ZNF277: variants seen among roughly 807,000 people sequenced by gnomAD.
The protein encoded by ZNF277 is nuclear receptor-interacting factor 4.
A neutral mutation model predicts 60.7 loss-of-function variants in ZNF277; 55 were observed. The observed-to-expected ratio is 0.91, with a 90% CI of 0.73 to 1.13. ZNF277 has a LOEUF of 1.13. Among genes scored for constraint, ZNF277 ranks in the 50% most tolerant of loss-of-function variants. ZNF277 has a pLI of 0.00. For synonymous variants in ZNF277, 178 were observed against 179.3 expected (o/e 0.99, Z 0.06); for missense variants, 510 against 523.0 (o/e 0.98, Z 0.24).
At chr7:112,261,144 A>G (rs1042738836) in intron 1 of ZNF277, among the ~76,000 whole-genome samples, 1 of 152,314 alleles carries the variant, frequency 6.6e-6, no homozygotes, top group African/African-American at 2.4e-5. Context: ...CATAAACTCT[A>G]TAGATCTCTA....
chr7:112,214,470 A>G (rs1335731991), intron 1 of ZNF277, among the ~76,000 whole-genome samples: 1 of 152,212 alleles, frequency 6.6e-6, no homozygotes, highest in Non-Finnish European at 1.5e-5. Context: ...AGTATGTTCT[A>G]CTGACCTACT....
At chr7:112,303,843 C>T (rs926796822) in intron 4 of ZNF277, among the ~76,000 whole-genome samples, 1 of 152,028 alleles carries the variant, frequency 6.6e-6, no homozygotes, top group African/African-American at 2.4e-5. Context: ...TCTTAAAAAG[C>T]TATCTCAGTG....
intron 1 of ZNF277, among the ~76,000 whole-genome samples, chr7:112,217,306 G>T (rs920388496): frequency 1.3e-5 from 2 of 152,144 alleles, no homozygotes; most frequent in African/African-American, 2.4e-5. Flanking sequence ...CCTACACAAA[G>T]GGAGGGAGCA....
chr7:112,248,461 A>C (rs1439961512), intron 1 of ZNF277, among the ~76,000 whole-genome samples: 1 of 152,170 alleles, frequency 6.6e-6, no homozygotes, highest in East Asian at 1.9e-4. Context: ...AAAACAACTA[A>C]AATAGAGATT....
chr7:112,277,411 T>G (rs992858682), intron 1 of ZNF277, among the ~76,000 whole-genome samples: 4 of 152,154 alleles, frequency 2.6e-5, no homozygotes, highest in African/African-American at 9.7e-5. Context: ...ATCAAGAGAC[T>G]TTCTTCCCAG....
chr7:112,269,969 T>C (rs1294292000), intron 1 of ZNF277, among the ~76,000 whole-genome samples: 1 of 152,014 alleles, frequency 6.6e-6, no homozygotes, highest in African/African-American at 2.4e-5. Flanking sequence ...ATAAGAATAA[T>C]AGAGATCATA....
intron 4 of ZNF277, among the ~76,000 whole-genome samples, chr7:112,317,234 G>A: frequency 6.6e-6 from 1 of 152,052 alleles, no homozygotes; most frequent in East Asian, 1.9e-4. Context: ...AACCACCATG[G>A]CACATGTGGC....
chr7:112,239,800 A>G (rs989599235), intron 1 of ZNF277, among the ~76,000 whole-genome samples: 6 of 152,218 alleles, frequency 3.9e-5, no homozygotes, highest in Non-Finnish European at 8.8e-5. Flanking sequence ...TAATCATGGT[A>G]TGTAAACTAC....
chr7:112,264,509 TTA>T (rs1406384825), intron 1 of ZNF277, among the ~76,000 whole-genome samples: 2 of 152,166 alleles, frequency 1.3e-5, no homozygotes, highest in African/African-American at 4.8e-5. Flanking sequence ...ACAAATTGTG[TTA>T]TGTTTCAATG....
rs577331913 is a variant in ZNF277 at position 112,268,763 on chromosome 7, T to G, written c.92-18110T>G. On this transcript the variant is annotated intron_variant, in intron 1 of 11. Coordinates refer to ENST00000361822, the MANE Select transcript of ZNF277 (RefSeq NM_021994.3). ...TATAATTGTTCCTTGGCTTGCTTATTTTGATTTACTCTCAATTTTTTTAAG... is the reference window on the plus strand; with the variant it reads ...TATAATTGTTCCTTGGCTTGCTTATGTTGATTTACTCTCAATTTTTTTAAG... Among the ~76,000 whole-genome samples the G allele has an allele frequency of 6.6e-5, 10 of 152,338 alleles. No individual in the cohort carries two copies. In the South Asian group the frequency reaches 1.9e-3, roughly 28 times the overall value.
chr7:112,259,525 C>T (rs1438683501), intron 1 of ZNF277, among the ~76,000 whole-genome samples: 1 of 152,170 alleles, frequency 6.6e-6, no homozygotes, highest in African/African-American at 2.4e-5. Context: ...AAATTAACCA[C>T]TAAACAGGTT....
chr7:112,303,230 T>G (rs373288318), intron 4 of ZNF277, among the ~76,000 whole-genome samples: 52 of 152,146 alleles, frequency 3.4e-4, no homozygotes, highest in African/African-American at 1.2e-3. Flanking sequence ...GGATTACAGG[T>G]GTGAGCCACT....
intron 5 of ZNF277, among the ~76,000 whole-genome samples, chr7:112,324,839 G>A (rs1221966406): frequency 6.6e-6 from 1 of 152,126 alleles, no homozygotes; most frequent in Non-Finnish European, 1.5e-5. Flanking sequence ...GCAAGTTGGA[G>A]ATTCAAGAAA....
chr7:112,331,220 T>C (rs900088690), intron 7 of ZNF277, among the ~76,000 whole-genome samples: 2 of 151,952 alleles, frequency 1.3e-5, no homozygotes, highest in Non-Finnish European at 2.9e-5. Context: ...TTTGGAAATA[T>C]GGGAGGGGAT....
At chr7:112,281,957 C>T (rs1263704407) in intron 1 of ZNF277, among the ~76,000 whole-genome samples, 2 of 152,152 alleles carry the variant, frequency 1.3e-5, no homozygotes, top group Admixed American at 6.5e-5. Flanking sequence ...CTCAGTCTCC[C>T]GAGTAGCTGG....
At chr7:112,315,611 G>A (rs1792826916) in intron 4 of ZNF277, among the ~76,000 whole-genome samples, 1 of 152,038 alleles carries the variant, frequency 6.6e-6, no homozygotes, top group Non-Finnish European at 1.5e-5. Flanking sequence ...ATATAGAACA[G>A]GTTAAATTAT....
intron 4 of ZNF277, among the ~76,000 whole-genome samples, chr7:112,296,933 T>TA (rs1563219801): frequency 4.3e-5 from 4 of 93,650 alleles, no homozygotes; most frequent in African/African-American, 1.5e-4. Context: ...TTTTTTTTTT[T>TA]TTTTTTTTTT....
intron 4 of ZNF277, among the ~76,000 whole-genome samples, chr7:112,296,628 G>A: frequency 6.6e-6 from 1 of 151,582 alleles, no homozygotes; most frequent in East Asian, 1.9e-4. Context: ...AGTAGTCATG[G>A]AAAAATGCCC....
At chr7:112,226,955 T>G (rs1587092532) in intron 1 of ZNF277, among the ~76,000 whole-genome samples, 2 of 152,180 alleles carry the variant, frequency 1.3e-5, no homozygotes, top group African/African-American at 4.8e-5. Context: ...CTGGCAAATT[T>G]CCATTTCTTC....
Sources: gnomAD v4.1 joint callset for allele counts (sites outside exome capture counted in the v4.1 genomes callset) on GRCh38, gnomAD v4.1.1 for gene constraint, MANE v1.5 for transcripts, NCBI Gene and HGNC (gene_info 2026-07-23, HGNC 2026-07-21) for gene names.